The following SYTL3 variants were observed in gnomAD, a reference collection of about 807,000 sequenced individuals.
SYTL3 encodes synaptotagmin like 3.
A neutral mutation model predicts 82.1 loss-of-function variants in SYTL3; 88 were observed. That is an observed-to-expected ratio of 1.07 (90% CI 0.90 to 1.28). SYTL3 has a LOEUF of 1.28. SYTL3 is among the 50% of genes most tolerant of loss of function. The pLI is 0.00. For synonymous variants in SYTL3, 311 were observed against 289.4 expected (o/e 1.07, Z -0.76); for missense variants, 831 against 757.6 (o/e 1.10, Z -1.14).
chr6:158,707,122 C>T (rs1782185661), intron 6 of SYTL3, 108 bp from the exon 7 acceptor site: 3 of 1,145,572 alleles, frequency 2.6e-6, no homozygotes, highest in South Asian at 1.3e-5. Flanking sequence ...ACTTTTTAAT[C>T]ACAAGAAATG....
At chr6:158,687,114 C>G (rs907433582) in intron 6 of SYTL3, among the ~76,000 whole-genome samples, 1 of 152,228 alleles carries the variant, frequency 6.6e-6, no homozygotes, top group African/African-American at 2.4e-5. Flanking sequence ...TCTTTCCACG[C>G]ACTGGTTATC....
At chr6:158,761,884 C>G (rs1247827205) in intron 15 of SYTL3, among the ~76,000 whole-genome samples, 192 bp from the exon 16 acceptor site, 1 of 152,152 alleles carries the variant, frequency 6.6e-6, no homozygotes, top group Non-Finnish European at 1.5e-5. Context: ...GACCACAGAG[C>G]GGCACGGTGT....
intron 8 of SYTL3, among the ~76,000 whole-genome samples, chr6:158,709,030 C>G (rs529282503): frequency 1.3e-5 from 2 of 152,262 alleles, no homozygotes; most frequent in Admixed American, 6.5e-5. Flanking sequence ...GATAGGAGTT[C>G]GAGACCAGCC....
At chr6:158,696,043 T>C (rs1780521376) in intron 6 of SYTL3, among the ~76,000 whole-genome samples, 1 of 152,218 alleles carries the variant, frequency 6.6e-6, no homozygotes, top group Non-Finnish European at 1.5e-5. Context: ...GTGTTTATAC[T>C]CAGAAGTGGA....
intron 11 of SYTL3, among the ~76,000 whole-genome samples, chr6:158,736,353 A>C (rs2128497702): frequency 6.6e-6 from 1 of 152,298 alleles, no homozygotes; most frequent in South Asian, 2.1e-4. Flanking sequence ...TCCTGTCTCA[A>C]AAAAAGAAAA....
intron 14 of SYTL3, among the ~76,000 whole-genome samples, chr6:158,759,923 T>C (rs1480466022): frequency 1.3e-5 from 2 of 151,968 alleles, no homozygotes; most frequent in Non-Finnish European, 2.9e-5. Flanking sequence ...TCATCAGCTG[T>C]TGTTAGTGTA....
At position 158,763,434 on chromosome 6, in the gene SYTL3, T is replaced by C; in HGVS notation, c.1648T>C (p.Leu550=). The C allele has an allele frequency of 6.2e-7, 1 of 1,614,194 alleles. No homozygotes were observed. Among genetic ancestry groups the C allele is most frequent in the Non-Finnish European group, 8.5e-7 (1 of 1,180,038 alleles). The change falls in exon 17 of 18, where the codon TTG becomes CTG. Residue 550 remains leucine, a synonymous_variant. Coordinates refer to ENST00000611299, the MANE Select transcript of SYTL3 (RefSeq NM_001242394.2). ...CCCAGCTCAGCTGAGGCAGTCAAGC[T>C]TGGAGTTAACTGTCTGGGATCAGGC... The part of the protein sequence containing the change: ...VTPAQLRQSS[L]ELTVWDQALF...
chr6:158,715,595 C>T (rs868835110), intron 9 of SYTL3, among the ~76,000 whole-genome samples: 5 of 67,638 alleles, frequency 7.4e-5, no homozygotes, highest in South Asian at 4.6e-4. Context: ...AGACTGAAAC[C>T]GCATCACACA....
At chr6:158,764,423 T>A (rs964648022) in intron 17 of SYTL3, 72 bp from the exon 18 acceptor site, 8 of 1,204,818 alleles carry the variant, frequency 6.6e-6, no homozygotes, top group African/African-American at 6.0e-5. Flanking sequence ...CTGGTCATCA[T>A]TTTTAAAGGG....
At position 158,725,614 on chromosome 6, in the gene SYTL3, A is replaced by G. The variant is rs753846947; in HGVS notation, c.832A>G (p.Ile278Val). The G allele has an allele frequency of 9.9e-6, 16 of 1,613,966 alleles. No homozygotes were observed. The highest frequency in any genetic ancestry group is 2.7e-5 in the African/African-American group (2 of 74,898). ...CCCATCCAGTCCGGCACCCAGTACC[A>G]TATTCTCTGGAGGTTTTAGACACGT... Reference protein sequence around the residue: ...NLPSSPAPSTIFSGGFRHGSL... With the variant: ...NLPSSPAPSTVFSGGFRHGSL... The change falls in exon 11 of 18, where the codon ATA becomes GTA. Residue 278 changes from isoleucine to valine, a missense_variant. Coordinates refer to ENST00000611299, the MANE Select transcript of SYTL3 (RefSeq NM_001242394.2).
intron 13 of SYTL3, among the ~76,000 whole-genome samples, chr6:158,756,384 G>A (rs367567707): frequency 1.7e-4 from 26 of 152,236 alleles, no homozygotes; most frequent in South Asian, 6.2e-4. Context: ...GAATGGAGGA[G>A]GGGGGAGTTC....
intron 6 of SYTL3, among the ~76,000 whole-genome samples, chr6:158,686,283 AC>A (rs1404137599): frequency 1.3e-5 from 2 of 152,204 alleles, no homozygotes; most frequent in Non-Finnish European, 2.9e-5. Context: ...AGGAAGATCA[AC>A]CTCAGCATAA....
intron 11 of SYTL3, among the ~76,000 whole-genome samples, chr6:158,730,867 G>A (rs184055786): frequency 3.3e-5 from 5 of 152,312 alleles, no homozygotes; most frequent in South Asian, 2.1e-4. Flanking sequence ...AAGAAAAGCC[G>A]CCAGGGGGCG....
At chr6:158,659,545 G>C (rs373180116) in intron 2 of SYTL3, among the ~76,000 whole-genome samples, 1 of 152,148 alleles carries the variant, frequency 6.6e-6, no homozygotes, top group East Asian at 1.9e-4. Flanking sequence ...AGTAGAGACA[G>C]GGTTTCACCA....
At chr6:158,720,894 G>A (rs1784030029) in intron 10 of SYTL3, among the ~76,000 whole-genome samples, 1 of 152,184 alleles carries the variant, frequency 6.6e-6, no homozygotes, top group Admixed American at 6.5e-5. Context: ...GATGTGCTGT[G>A]TGGTGGCTCA....
chr6:158,678,351 C>T (rs900788660), intron 5 of SYTL3, among the ~76,000 whole-genome samples: 2 of 152,146 alleles, frequency 1.3e-5, no homozygotes, highest in South Asian at 2.1e-4. Context: ...GGTGAAAATA[C>T]GTTAAGCAAC....
At chr6:158,713,734 A>C in intron 8 of SYTL3, 66 bp from the exon 9 acceptor site, 1 of 1,232,762 alleles carries the variant, frequency 8.1e-7, no homozygotes, top group Non-Finnish European at 1.2e-6. Flanking sequence ...GGCAGCCTGG[A>C]CACTGCTGAG....
chr6:158,698,285 T>C (rs1780778085), intron 6 of SYTL3, among the ~76,000 whole-genome samples: 1 of 150,650 alleles, frequency 6.6e-6, no homozygotes, highest in African/African-American at 2.4e-5. Context: ...TAATCCCAGC[T>C]ACACAGGAGG....
At chr6:158,699,265 C>A (rs1011872509) in intron 6 of SYTL3, among the ~76,000 whole-genome samples, 10 of 152,160 alleles carry the variant, frequency 6.6e-5, no homozygotes, top group African/African-American at 2.2e-4. Context: ...AACCAAGTCA[C>A]CCAGGAGAGA....
Sources: gnomAD v4.1 joint callset for allele counts (sites outside exome capture counted in the v4.1 genomes callset) on GRCh38, gnomAD v4.1.1 for gene constraint, MANE v1.5 for transcripts, NCBI Gene and HGNC (gene_info 2026-07-23, HGNC 2026-07-21) for gene names.